DHRSX: variants seen among roughly 807,000 people sequenced by gnomAD.
DHRSX encodes the protein polyprenol dehydrogenase.
Under a neutral mutation model 34.0 loss-of-function variants are expected in DHRSX, and 31 were observed. The ratio of observed to expected loss-of-function variants is 0.91; its 90% CI spans 0.69 to 1.23. DHRSX has a LOEUF of 1.23. Among genes scored for constraint, DHRSX ranks in the 50% most tolerant of loss-of-function variants. The pLI is 0.00. For synonymous variants in DHRSX, 201 were observed against 183.8 expected, an observed-to-expected ratio of 1.09 and a Z score of -0.76; for missense variants, 414 against 428.1, an observed-to-expected ratio of 0.97 and a Z score of 0.29.
chrX:2,243,788 GTTTTTTTTTTTTTTT>G lies in DHRSX; in HGVS notation c.597-573_597-559del, dbSNP rs778957532. Among the ~76,000 whole-genome samples the G allele has an allele frequency of 6.8e-4, 17 of 25,178 alleles. 1 individual carries two copies. Among genetic ancestry groups the G allele is most frequent in the South Asian group, 4.9e-3 (2 of 406 alleles). 16.5% of individuals were successfully genotyped at this position (25,178 alleles called of 152,430 possible). ...ACAGGCAGGAGCCACTATGCTCCCT[GTTTTTTTTTTTTTTT>G]TTTTTTTTTTTTTTTTTTTGAGACA... On this transcript the variant is annotated intron_variant, in intron 5 of 6. Coordinates refer to ENST00000334651, the MANE Select transcript of DHRSX (RefSeq NM_145177.3).
chrX:2,246,693 G>GA (rs1235008413), intron 5 of DHRSX, among the ~76,000 whole-genome samples: 5 of 66,540 alleles, frequency 7.5e-5, no homozygotes, highest in African/African-American at 3.3e-4. Flanking sequence ...AAAAAGAAAA[G>GA]AAAAGAAAGA....
chrX:2,396,818 G>T (rs1055469161), intron 3 of DHRSX, among the ~76,000 whole-genome samples: 1 of 147,472 alleles, frequency 6.8e-6, no homozygotes, highest in Non-Finnish European at 1.5e-5. Flanking sequence ...AGGCCGGAGC[G>T]CAATACCACG....
intron 4 of DHRSX, among the ~76,000 whole-genome samples, chrX:2,272,336 C>T (rs1185812104): frequency 5.9e-5 from 9 of 152,066 alleles, no homozygotes; most frequent in African/African-American, 1.9e-4. Context: ...GAGAGACGAG[C>T]TTATCATGAA....
chrX:2,230,645 C>G (rs1461298541), intron 6 of DHRSX, among the ~76,000 whole-genome samples: 1 of 152,140 alleles, frequency 6.6e-6, no homozygotes, highest in Non-Finnish European at 1.5e-5. Context: ...GTGGGTGGGC[C>G]TCACCTCATC....
At chrX:2,310,725 A>T (rs1367679524) in intron 3 of DHRSX, among the ~76,000 whole-genome samples, 1 of 151,870 alleles carries the variant, frequency 6.6e-6, no homozygotes, top group African/African-American at 2.4e-5. Flanking sequence ...ACACAGAAAT[A>T]GAAGCACAGA....
chrX:2,321,562 T>G (rs1369702857), intron 3 of DHRSX, among the ~76,000 whole-genome samples: 1 of 151,296 alleles, frequency 6.6e-6, no homozygotes, highest in African/African-American at 2.5e-5. Context: ...AGGGCACACA[T>G]GCTCCCTCGT....
intron 3 of DHRSX, among the ~76,000 whole-genome samples, chrX:2,332,789 T>C (rs2042496835): frequency 6.6e-6 from 1 of 152,204 alleles, no homozygotes; most frequent in African/African-American, 2.4e-5. Context: ...AAGGGCACAC[T>C]GAGGTCTTAA....
At chrX:2,388,651 T>G (rs1287922975) in intron 3 of DHRSX, among the ~76,000 whole-genome samples, 1 of 144,804 alleles carries the variant, frequency 6.9e-6, no homozygotes, top group Non-Finnish European at 1.5e-5. Context: ...GACTAAGATA[T>G]CTCATAAGAA....
chrX:2,500,969 G>A lies in DHRSX; in HGVS notation c.-44C>T, dbSNP rs1209169432. The A allele has an allele frequency of 1.5e-5, 15 of 978,322 alleles. No individual in the cohort carries two copies. The highest frequency in any genetic ancestry group is 1.8e-5 in the Non-Finnish European group (15 of 817,224). 60.6% of individuals were successfully genotyped at this position (978,322 alleles called of 1,614,324 possible). A position where few individuals can be genotyped will look rare whatever the true frequency, so the allele number is the denominator to read the frequency against. ...GCCGCCGCTTCCGCGCCGCCCGCGG[G>A]ACTCTGCGCCCGCCCGCCCGGACGG... On this transcript the variant is annotated 5_prime_UTR_variant, in exon 1 of 7. Coordinates refer to ENST00000334651, the MANE Select transcript of DHRSX (RefSeq NM_145177.3).
chrX:2,460,567 T>A (rs2044388804), intron 1 of DHRSX, among the ~76,000 whole-genome samples: 2 of 144,464 alleles, frequency 1.4e-5, no homozygotes, highest in South Asian at 4.4e-4. Flanking sequence ...CACACACGTG[T>A]GCCACCACGT....
chrX:2,423,746 C>A (rs147260438), intron 2 of DHRSX, among the ~76,000 whole-genome samples: 2 of 152,156 alleles, frequency 1.3e-5, no homozygotes, highest in African/African-American at 2.4e-5. Flanking sequence ...CCCCGCCCCC[C>A]ACTCCGTCTC....
chrX:2,296,574 G>A (rs1181980282), intron 3 of DHRSX, among the ~76,000 whole-genome samples: 9 of 106,468 alleles, frequency 8.5e-5, no homozygotes, highest in African/African-American at 3.6e-4. Context: ...TAGGACCCAG[G>A]CAGATAGGAA....
chrX:2,346,371 T>C (rs1245013778), intron 3 of DHRSX, among the ~76,000 whole-genome samples: 1 of 152,092 alleles, frequency 6.6e-6, no homozygotes, highest in Non-Finnish European at 1.5e-5. Flanking sequence ...GTGTGGTTTT[T>C]CTCGTCTCTG....
Position 2,328,079 on chromosome X carries a change from C to CAA in DHRSX, c.287-36478_287-36477dup, listed in dbSNP as rs35824420. Among the ~76,000 whole-genome samples the CAA allele has an allele frequency of 5.1e-5, 6 of 118,520 alleles. No homozygotes were observed. In the East Asian group the frequency reaches 1.1e-3, roughly 22 times the overall value. The allele number at this position is 118,520 out of a possible 152,430, so 77.8% of individuals were successfully genotyped here. A position where few individuals can be genotyped will look rare whatever the true frequency, so the allele number is the denominator to read the frequency against. The stretch of plus-strand genomic sequence containing the variant: ...TGGGCGACAGAGCGAGACTCCGTCT[C>CAA]AAAAAAAAAAAGAGGAGGAGATGAG... On this transcript the variant is annotated intron_variant, in intron 3 of 6. Coordinates refer to ENST00000334651, the MANE Select transcript of DHRSX (RefSeq NM_145177.3).
At chrX:2,304,192 G>GATAA (rs2042066872) in intron 3 of DHRSX, among the ~76,000 whole-genome samples, 1 of 113,000 alleles carries the variant, frequency 8.8e-6, no homozygotes, top group African/African-American at 3.7e-5. Context: ...TGGATGGATG[G>GATAA]ATGGATGGAT....
intron 3 of DHRSX, among the ~76,000 whole-genome samples, chrX:2,330,859 G>A (rs971994081): frequency 3.9e-5 from 6 of 152,082 alleles, no homozygotes; most frequent in Admixed American, 3.9e-4. Flanking sequence ...TGTGAAAGAG[G>A]CCTCAGTAGA....
At chrX:2,484,455 C>T (rs954232816) in intron 1 of DHRSX, among the ~76,000 whole-genome samples, 1 of 152,172 alleles carries the variant, frequency 6.6e-6, no homozygotes, top group Non-Finnish European at 1.5e-5. Context: ...TAGGAAGGAG[C>T]CTGGCTGCAA....
intron 3 of DHRSX, among the ~76,000 whole-genome samples, chrX:2,364,753 T>C (rs908541432): frequency 6.6e-6 from 1 of 152,190 alleles, no homozygotes; most frequent in African/African-American, 2.4e-5. Context: ...TTATCTATCT[T>C]TGATCATTAT....
At chrX:2,332,938 G>A (rs1300497335) in intron 3 of DHRSX, among the ~76,000 whole-genome samples, 5 of 152,134 alleles carry the variant, frequency 3.3e-5, no homozygotes, top group Non-Finnish European at 7.3e-5. Flanking sequence ...AAGACTATGG[G>A]CGTGAGGTAA....
Sources: allele counts gnomAD v4.1 joint callset (sites outside exome capture counted in the v4.1 genomes callset), GRCh38; gene constraint gnomAD v4.1.1; transcripts MANE v1.5; gene names NCBI Gene and HGNC (gene_info 2026-07-23, HGNC 2026-07-21).